Variants in NRXN1 observed in about 807,000 individuals in gnomAD.
NRXN1 encodes neurexin 1.
A neutral mutation model predicts 150.9 loss-of-function variants in NRXN1; 39 were observed. That is an observed-to-expected ratio of 0.26 (90% confidence interval 0.20 to 0.34). The LOEUF is 0.34. Among genes scored for constraint, NRXN1 ranks in the 10% least tolerant of loss-of-function variants. NRXN1 has a pLI of 1.00. For synonymous variants in NRXN1, 924 were observed against 757.0 expected (o/e 1.22, Z -3.62); for missense variants, 1,815 against 1,949.9 (o/e 0.93, Z 1.30).
intron 5 of NRXN1, among the ~76,000 whole-genome samples, chr2:50,818,975 C>T (rs544900182): frequency 9.2e-5 from 14 of 152,080 alleles, no homozygotes; most frequent in Admixed American, 1.3e-4. Flanking sequence ...GAAAGCAATG[C>T]GATATCAACC....
chr2:49,987,033 G>A (rs1245860924), intron 21 of NRXN1, among the ~76,000 whole-genome samples: 1 of 151,672 alleles, frequency 6.6e-6, no homozygotes, highest in Non-Finnish European at 1.5e-5. Flanking sequence ...CAGCTTGGCT[G>A]ACAGAGTGAG....
intron 17 of NRXN1, among the ~76,000 whole-genome samples, chr2:50,366,190 T>C (rs1261759231): frequency 2.7e-5 from 4 of 150,410 alleles, no homozygotes; most frequent in Non-Finnish European, 5.9e-5. Flanking sequence ...TTGGATTTGC[T>C]GACAGGTTAG....
chr2:50,082,363 C>T (rs1356437460), intron 19 of NRXN1, among the ~76,000 whole-genome samples: 1 of 152,054 alleles, frequency 6.6e-6, no homozygotes, highest in African/African-American at 2.4e-5. Context: ...ATGATAAGAA[C>T]TTAAATTGCT....
chr2:50,886,063 T>G (rs886438878), intron 5 of NRXN1, among the ~76,000 whole-genome samples: 1 of 151,436 alleles, frequency 6.6e-6, no homozygotes, highest in Non-Finnish European at 1.5e-5. Context: ...AGATTTTTAT[T>G]TGATCATTGT....
At chr2:50,858,556 C>G (rs1421788418) in intron 5 of NRXN1, among the ~76,000 whole-genome samples, 1 of 150,176 alleles carries the variant, frequency 6.7e-6, no homozygotes, top group African/African-American at 2.4e-5. Context: ...AGAAAAATAC[C>G]ACATATCAAA....
intron 21 of NRXN1, among the ~76,000 whole-genome samples, chr2:50,021,068 T>G (rs1195081455): frequency 6.6e-6 from 1 of 152,212 alleles, no homozygotes; most frequent in Non-Finnish European, 1.5e-5. Flanking sequence ...TCTTAACTAT[T>G]AATAGATAAT....
intron 15 of NRXN1, among the ~76,000 whole-genome samples, chr2:50,493,130 A>T (rs2091354675): frequency 6.6e-6 from 1 of 152,226 alleles, no homozygotes; most frequent in South Asian, 2.1e-4. Context: ...TAATTCTTTA[A>T]GAATACAATC....
intron 5 of NRXN1, among the ~76,000 whole-genome samples, chr2:50,825,323 G>A (rs1346572448): frequency 6.6e-6 from 1 of 152,154 alleles, no homozygotes; most frequent in Non-Finnish European, 1.5e-5. Flanking sequence ...AATGTTTGCT[G>A]GCTGGCAGCC....
intron 17 of NRXN1, among the ~76,000 whole-genome samples, chr2:50,410,629 C>G (rs964365462): frequency 1.3e-5 from 2 of 152,194 alleles, no homozygotes; most frequent in African/African-American, 4.8e-5. Context: ...GAAATTTTAA[C>G]TGCTGACCTT....
intron 7 of NRXN1, 23 bp downstream of exon 7, chr2:50,621,202 TA>T (rs1276462578): frequency 6.4e-7 from 1 of 1,555,496 alleles, no homozygotes; most frequent in East Asian, 2.4e-5. Context: ...GAATGATATC[TA>T]CCGAACAATG....
rs79672219 is a variant in NRXN1 at position 50,496,808 on chromosome 2, G to A, written c.2879+525C>T. On this transcript the variant is annotated intron_variant, in intron 14 of 22. Coordinates refer to ENST00000401669, the MANE Select transcript of NRXN1 (RefSeq NM_001330078.2). ...ATACACCAATATTTGCAGAATGAGT[G>A]AATAAATGCTGAAATCAATTAAAAT... Among the ~76,000 whole-genome samples, 1,161 of 152,258 alleles carry A rather than the reference G, an allele frequency of 7.6e-3. 9 individuals carry two copies. Among genetic ancestry groups the A allele is most frequent in the African/African-American group, 0.026 (1,069 of 41,540 alleles).
intron 18 of NRXN1, among the ~76,000 whole-genome samples, chr2:50,212,090 C>G (rs1403318386): frequency 6.6e-6 from 1 of 151,590 alleles, no homozygotes; most frequent in Non-Finnish European, 1.5e-5. Flanking sequence ...TTAAAACTGT[C>G]CCCTCAGGAT....
chr2:50,474,839 C>CCCCAAAAAAA (rs1558795095), intron 15 of NRXN1, among the ~76,000 whole-genome samples: 5 of 108,834 alleles, frequency 4.6e-5, no homozygotes, highest in Non-Finnish European at 7.4e-5. Context: ...GCCCCCCTAC[C>CCCCAAAAAAA]AAAAAAAAAA....
chr2:49,994,661 G>C (rs1682622788), intron 21 of NRXN1, among the ~76,000 whole-genome samples: 1 of 152,088 alleles, frequency 6.6e-6, no homozygotes, highest in Non-Finnish European at 1.5e-5. Context: ...AGGAAACAAA[G>C]ACAGAACATG....
At chr2:50,468,714 G>C (rs1406795913) in intron 16 of NRXN1, among the ~76,000 whole-genome samples, 4 of 151,364 alleles carry the variant, frequency 2.6e-5, no homozygotes, top group Admixed American at 2.0e-4. Flanking sequence ...TGAAACTTGT[G>C]TCATCCACTT....
chr2:50,365,570 T>C (rs966025976), intron 17 of NRXN1, among the ~76,000 whole-genome samples: 2 of 152,030 alleles, frequency 1.3e-5, no homozygotes, highest in Admixed American at 6.6e-5. Context: ...AAATAATAGG[T>C]TTTTGATAAA....
At position 50,622,816 on chromosome 2, in the gene NRXN1, C is replaced by A. The variant is rs1415760803; in HGVS notation, c.1134+498G>T. Among the ~76,000 whole-genome samples, 3 of 152,076 alleles carry A rather than the reference C, an allele frequency of 2.0e-5. No homozygotes were observed. In the South Asian group the frequency reaches 6.2e-4, roughly 31 times the overall value. ...GACCCTTCAGGAGATATGTAAGCCC[C>A]TAAAGAAATTTTTCCCCTCAGGGAC... On this transcript the variant is annotated intron_variant, in intron 6 of 22. Coordinates refer to ENST00000401669, the MANE Select transcript of NRXN1 (RefSeq NM_001330078.2).
At chr2:50,203,659 TA>T (rs1471939348) in intron 18 of NRXN1, among the ~76,000 whole-genome samples, 7 of 152,238 alleles carry the variant, frequency 4.6e-5, no homozygotes, top group Admixed American at 2.0e-4. Flanking sequence ...ATTCTTAGGA[TA>T]AAAAGGTTAA....
At chr2:50,543,171 C>A (rs1003492112) in intron 9 of NRXN1, among the ~76,000 whole-genome samples, 3 of 152,230 alleles carry the variant, frequency 2.0e-5, no homozygotes, top group African/African-American at 7.2e-5. Flanking sequence ...TTTCCAGGAA[C>A]CACAAATACT....
Sources: allele counts gnomAD v4.1 joint callset (sites outside exome capture counted in the v4.1 genomes callset), GRCh38; gene constraint gnomAD v4.1.1; transcripts MANE v1.5; gene names NCBI Gene and HGNC (gene_info 2026-07-23, HGNC 2026-07-21).